The following MITF variants were observed in gnomAD, a reference collection of about 807,000 sequenced individuals.
MITF encodes the protein microphthalmia-associated transcription factor.
MITF carries 17 observed loss-of-function variants against 60.5 expected under a neutral mutation model. That is an observed-to-expected ratio of 0.28 (90% confidence interval 0.19 to 0.42). The LOEUF (loss-of-function observed/expected upper bound fraction) is 0.42, where lower values mean the gene tolerates loss of function less well. Among genes scored for constraint, MITF ranks in the 10% least tolerant of loss-of-function variants. The pLI is 1.00. For missense variants in MITF, 622 were observed against 683.5 expected, an observed-to-expected ratio of 0.91 and a Z score of 1.00; for synonymous variants, 260 against 248.5, an observed-to-expected ratio of 1.05 and a Z score of -0.43.
chr3:69,896,903 A>G lies in MITF; in HGVS notation c.354+17520A>G, dbSNP rs75470607. Among the ~76,000 whole-genome samples, 347 of 152,344 alleles carry G rather than the reference A, an allele frequency of 2.3e-3. 1 individual carries two copies. The highest frequency in any genetic ancestry group is 8.1e-3 in the African/African-American group (335 of 41,578). On this transcript the variant is annotated intron_variant, in intron 2 of 9. Coordinates refer to ENST00000352241, the MANE Select transcript of MITF (RefSeq NM_001354604.2). ...TTCAGCCTCAGAAGGTGAGGGACGT[A>G]TCCCTGTAGTGGTTTGTGTTGAGTG...
chr3:69,878,146 C>T (rs1305494331), intron 1 of MITF, among the ~76,000 whole-genome samples: 1 of 152,060 alleles, frequency 6.6e-6, no homozygotes, highest in African/African-American at 2.4e-5. Flanking sequence ...TTAAAATATA[C>T]ATGATGCTAT....
intron 1 of MITF, among the ~76,000 whole-genome samples, chr3:69,805,359 C>G (rs74491124): frequency 0.14 from 21,643 of 152,078 alleles, 1,790 homozygotes; most frequent in South Asian, 0.2. Context: ...CAGAATCCCC[C>G]TCTAATAATT....
intron 2 of MITF, among the ~76,000 whole-genome samples, chr3:69,902,102 T>G (rs578216275): frequency 2.6e-4 from 40 of 152,304 alleles, no homozygotes; most frequent in African/African-American, 9.1e-4. Context: ...TAATGTTTGG[T>G]GAAAATAAAA....
chr3:69,746,998 T>A (rs192167012), intron 1 of MITF, among the ~76,000 whole-genome samples: 3 of 152,234 alleles, frequency 2.0e-5, no homozygotes, highest in African/African-American at 7.2e-5. Context: ...GGATGCATGC[T>A]GTGAAGAGTA....
At chr3:69,916,707 A>G (rs78169551) in intron 2 of MITF, among the ~76,000 whole-genome samples, 2,381 of 152,296 alleles carry the variant, frequency 0.016, 28 homozygotes, top group Middle Eastern at 0.051. Flanking sequence ...TAATAAACTT[A>G]TGACTGTCAT....
intron 5 of MITF, among the ~76,000 whole-genome samples, chr3:69,945,704 T>G (rs1441396060): frequency 6.6e-6 from 1 of 152,134 alleles, no homozygotes; most frequent in Non-Finnish European, 1.5e-5. Context: ...GATGGATAAG[T>G]CTTTGTGGTG....
intron 5 of MITF, among the ~76,000 whole-genome samples, chr3:69,945,958 C>T (rs9714093): frequency 0.057 from 8,683 of 152,200 alleles, 598 homozygotes; most frequent in African/African-American, 0.16. Flanking sequence ...ATTGTCTAAT[C>T]GTTGACAATG....
intron 1 of MITF, among the ~76,000 whole-genome samples, chr3:69,815,756 A>G (rs1314298926): frequency 6.6e-6 from 1 of 152,146 alleles, no homozygotes; most frequent in Non-Finnish European, 1.5e-5. Context: ...TCAAGGGTCA[A>G]CTGTATTTTA....
At chr3:69,837,000 C>T (rs756840033) in intron 1 of MITF, among the ~76,000 whole-genome samples, 6 of 152,128 alleles carry the variant, frequency 3.9e-5, no homozygotes, top group Admixed American at 1.3e-4. Context: ...GCACCATTGA[C>T]GTCCCCAATG....
Position 69,939,173 on chromosome 3 carries a change from T to C in MITF, c.658T>C (p.Cys220Arg), listed in dbSNP as rs950041788. 6.2e-7 allele frequency: 1 copy of C among 1,613,884 alleles called. No homozygotes were observed. Among genetic ancestry groups the C allele is most frequent in the African/African-American group, 1.3e-5 (1 of 74,940 alleles). The change falls in exon 4 of 10, where the codon TGT (cysteine) becomes CGT (arginine). Residue 220 changes from cysteine to arginine, a missense_variant. Coordinates refer to ENST00000352241, the MANE Select transcript of MITF (RefSeq NM_001354604.2). ...PGMNTHSRAS[C>R]MQMDDVIDDI... Reference sequence around the variant, plus strand: ...CATGAACACACATTCACGAGCGTCCTGTATGCAGGTACTGAATGACTTGGC... The same window carrying C: ...CATGAACACACATTCACGAGCGTCCCGTATGCAGGTACTGAATGACTTGGC...
chr3:69,947,945 T>C (rs1223033246), intron 5 of MITF, among the ~76,000 whole-genome samples: 2 of 152,176 alleles, frequency 1.3e-5, no homozygotes, highest in African/African-American at 4.8e-5. Flanking sequence ...GGATGCAAGG[T>C]ACTCTGTTGA....
intron 1 of MITF, among the ~76,000 whole-genome samples, chr3:69,825,691 G>A (rs1269108240): frequency 2.6e-5 from 4 of 152,176 alleles, no homozygotes; most frequent in East Asian, 1.9e-4. Context: ...CCTATGATGC[G>A]GAAGTAAAAG....
At chr3:69,862,677 T>C (rs1415793435) in intron 1 of MITF, among the ~76,000 whole-genome samples, 1 of 152,184 alleles carries the variant, frequency 6.6e-6, no homozygotes. Flanking sequence ...TCCAAAAAGA[T>C]TCTGAAACCC....
intron 2 of MITF, among the ~76,000 whole-genome samples, chr3:69,906,699 C>T (rs1463165572): frequency 2.6e-5 from 4 of 152,132 alleles, no homozygotes; most frequent in African/African-American, 9.7e-5. Context: ...CTTCACAGTA[C>T]ATGTCACAAG....
At chr3:69,791,646 T>G (rs768038780) in intron 1 of MITF, among the ~76,000 whole-genome samples, 5 of 152,060 alleles carry the variant, frequency 3.3e-5, no homozygotes, top group Non-Finnish European at 5.9e-5. Flanking sequence ...CTGGCACAGT[T>G]TTTTCTCTTT....
intron 1 of MITF, among the ~76,000 whole-genome samples, chr3:69,743,860 G>A (rs563437954): frequency 2.0e-5 from 3 of 152,314 alleles, no homozygotes; most frequent in African/African-American, 4.8e-5. Context: ...ATTTTAAACC[G>A]TAGGAGCATC....
At chr3:69,861,920 C>T (rs1260443231) in intron 1 of MITF, among the ~76,000 whole-genome samples, 1 of 152,090 alleles carries the variant, frequency 6.6e-6, no homozygotes. Flanking sequence ...TTTCATTGAA[C>T]ATTCCACATG....
chr3:69,853,332 A>T (rs2063857622), intron 1 of MITF, among the ~76,000 whole-genome samples: 1 of 152,216 alleles, frequency 6.6e-6, no homozygotes, highest in African/African-American at 2.4e-5. Context: ...TTAGCCAATT[A>T]TGCCAAAATT....
At chr3:69,962,641 A>G (rs538630053) in intron 9 of MITF, among the ~76,000 whole-genome samples, 2 of 152,296 alleles carry the variant, frequency 1.3e-5, no homozygotes, top group East Asian at 3.9e-4. Flanking sequence ...TTGTTTCACA[A>G]CCGTGGAAGG....
Sources: gnomAD v4.1 joint callset for allele counts (sites outside exome capture counted in the v4.1 genomes callset) on GRCh38, gnomAD v4.1.1 for gene constraint, MANE v1.5 for transcripts, NCBI Gene and HGNC (gene_info 2026-07-23, HGNC 2026-07-21) for gene names.